Variants in ROBO2 observed in about 807,000 individuals in gnomAD.
The protein encoded by ROBO2 is roundabout homolog 2.
Under a neutral mutation model 160.8 loss-of-function variants are expected in ROBO2, and 53 were observed. That is an observed-to-expected ratio of 0.33 (90% CI 0.26 to 0.41). The LOEUF (loss-of-function observed/expected upper bound fraction) is 0.41. ROBO2 is among the 10% of genes least tolerant of loss of function. The pLI is 1.00. For synonymous variants in ROBO2, 664 were observed against 611.7 expected (o/e 1.09, Z -1.26); for missense variants, 1,577 against 1,722.4 (o/e 0.92, Z 1.49).
At chr3:77,133,904 G>T (rs1009281618) in intron 2 of ROBO2, among the ~76,000 whole-genome samples, 1 of 152,080 alleles carries the variant, frequency 6.6e-6, no homozygotes, top group African/African-American at 2.4e-5. Context: ...AAGCAAAATT[G>T]TTCAGAAAAA....
At chr3:76,715,221 C>T (rs541199416) in intron 2 of ROBO2, among the ~76,000 whole-genome samples, 1 of 152,174 alleles carries the variant, frequency 6.6e-6, no homozygotes, top group South Asian at 2.1e-4. Context: ...CTCTGGCAAA[C>T]AACTTGCTCA....
intron 2 of ROBO2, among the ~76,000 whole-genome samples, chr3:77,109,970 C>A (rs771014045): frequency 6.6e-6 from 1 of 152,088 alleles, no homozygotes; most frequent in African/African-American, 2.4e-5. Flanking sequence ...AGCATTTTGG[C>A]GCAAACAATT....
At position 76,556,147 on chromosome 3, in the gene ROBO2, A is replaced by G. The variant is rs187408387; in HGVS notation, c.110-541867A>G. Among the ~76,000 whole-genome samples, 6 of 152,220 alleles carry G rather than the reference A, an allele frequency of 3.9e-5. No homozygotes were observed. In the East Asian group the frequency reaches 9.7e-4, roughly 25 times the overall value. ...ATGGAAGAAAGTGAGAAAGAAAGAAAGAAAAAAGAAAAACTCCATAGGTTG... is the reference window on the plus strand; with the variant it reads ...ATGGAAGAAAGTGAGAAAGAAAGAAGGAAAAAAGAAAAACTCCATAGGTTG... On this transcript the variant is annotated intron_variant, in intron 2 of 26. Coordinates refer to the ROBO2 transcript ENST00000487694.
chr3:77,260,563 C>T (rs1197802035), intron 2 of ROBO2, among the ~76,000 whole-genome samples: 3 of 152,012 alleles, frequency 2.0e-5, no homozygotes, highest in South Asian at 2.1e-4. Flanking sequence ...GTGAGGAACC[C>T]GTCATTCTAA....
intron 2 of ROBO2, among the ~76,000 whole-genome samples, chr3:77,153,913 C>T (rs945514135): frequency 6.6e-6 from 1 of 152,038 alleles, no homozygotes; most frequent in Non-Finnish European, 1.5e-5. Context: ...AACCAATCTA[C>T]TCTATTATTA....
chr3:76,932,844 T>C (rs568581046), intron 2 of ROBO2, among the ~76,000 whole-genome samples: 1 of 152,300 alleles, frequency 6.6e-6, no homozygotes, highest in Non-Finnish European at 1.5e-5. Flanking sequence ...CTGAGTATTA[T>C]CTACTCTCAG....
At chr3:76,255,315 G>A (rs890674901) in intron 2 of ROBO2, among the ~76,000 whole-genome samples, 1 of 152,072 alleles carries the variant, frequency 6.6e-6, no homozygotes, top group Non-Finnish European at 1.5e-5. Flanking sequence ...GGAAGATAAT[G>A]AAAATACAAA....
chr3:76,063,570 T>A (rs1187752381), intron 2 of ROBO2, among the ~76,000 whole-genome samples: 1 of 151,948 alleles, frequency 6.6e-6, no homozygotes, highest in Non-Finnish European at 1.5e-5. Context: ...TGTCTTGAAC[T>A]CCTGGCCTCA....
intron 2 of ROBO2, among the ~76,000 whole-genome samples, chr3:77,410,378 G>A (rs915978433): frequency 4.0e-5 from 6 of 151,254 alleles, no homozygotes; most frequent in East Asian, 1.9e-4. Context: ...AATTTTCTTC[G>A]CCTGTATTGC....
intron 2 of ROBO2, among the ~76,000 whole-genome samples, chr3:76,080,737 C>A (rs531521342): frequency 2.2e-4 from 34 of 152,128 alleles, no homozygotes; most frequent in Non-Finnish European, 4.9e-4. Flanking sequence ...TCTTTTTCAA[C>A]CATCTACAAC....
At chr3:76,877,714 G>T (rs1347390065) in intron 2 of ROBO2, among the ~76,000 whole-genome samples, 1 of 152,126 alleles carries the variant, frequency 6.6e-6, no homozygotes, top group Non-Finnish European at 1.5e-5. Context: ...TAGACTGGGT[G>T]GCTTAAACAA....
intron 2 of ROBO2, among the ~76,000 whole-genome samples, chr3:76,273,285 C>T (rs1209979915): frequency 2.0e-5 from 3 of 150,088 alleles, no homozygotes; most frequent in Non-Finnish European, 3.0e-5. Flanking sequence ...TGATGAAATA[C>T]AGTTTTTCGA....
intron 4 of ROBO2, among the ~76,000 whole-genome samples, chr3:77,492,036 G>T (rs1050800795): frequency 6.6e-6 from 1 of 152,026 alleles, no homozygotes; most frequent in African/African-American, 2.4e-5. Flanking sequence ...TTCTTTGAAG[G>T]TTTCCTGCCG....
At chr3:76,462,875 C>T (rs562440857) in intron 2 of ROBO2, among the ~76,000 whole-genome samples, 1 of 152,262 alleles carries the variant, frequency 6.6e-6, no homozygotes, top group South Asian at 2.1e-4. Context: ...TTTGGCAATT[C>T]TTTATAGTGC....
chr3:76,380,340 T>C (rs2076555088), intron 2 of ROBO2, among the ~76,000 whole-genome samples: 1 of 152,192 alleles, frequency 6.6e-6, no homozygotes, highest in South Asian at 2.1e-4. Context: ...CAAAGTACTA[T>C]AAAAGATGAA....
At chr3:76,361,851 T>C (rs2075541449) in intron 2 of ROBO2, among the ~76,000 whole-genome samples, 1 of 152,088 alleles carries the variant, frequency 6.6e-6, no homozygotes, top group Admixed American at 6.6e-5. Context: ...ACATTCTTTC[T>C]GATATTTAAG....
At chr3:77,303,920 G>T (rs541038147) in intron 2 of ROBO2, among the ~76,000 whole-genome samples, 6 of 152,120 alleles carry the variant, frequency 3.9e-5, no homozygotes, top group Non-Finnish European at 5.9e-5. Context: ...CTTCACCTTT[G>T]TAAGAGGTTG....
At chr3:76,157,694 C>T (rs2072461701) in intron 2 of ROBO2, among the ~76,000 whole-genome samples, 1 of 152,034 alleles carries the variant, frequency 6.6e-6, no homozygotes, top group African/African-American at 2.4e-5. Flanking sequence ...ACTAAATTTC[C>T]AGGAGTCCAC....
At chr3:77,176,262 G>A (rs951317980) in intron 2 of ROBO2, among the ~76,000 whole-genome samples, 1 of 152,024 alleles carries the variant, frequency 6.6e-6, no homozygotes, top group African/African-American at 2.4e-5. Flanking sequence ...AAAACCTTCT[G>A]TTGGCCATTA....
Sources: allele counts gnomAD v4.1 joint callset (sites outside exome capture counted in the v4.1 genomes callset), GRCh38; gene constraint gnomAD v4.1.1; transcripts MANE v1.5; gene names NCBI Gene and HGNC (gene_info 2026-07-23, HGNC 2026-07-21).